RNPEP: variants seen among roughly 807,000 people sequenced by gnomAD.
The protein encoded by RNPEP is arginyl aminopeptidase.
In RNPEP, 57 loss-of-function variants were observed where a neutral mutation model predicts 70.1. That is an observed-to-expected ratio of 0.81 (90% CI 0.66 to 1.01). The LOEUF is 1.01. RNPEP is among the 50% of genes least tolerant of loss of function. The probability of loss-of-function intolerance (pLI) is 0.00; values close to 1 mark genes in which losing one functional copy is unlikely to be tolerated. For missense variants in RNPEP, 787 were observed against 852.4 expected, an observed-to-expected ratio of 0.92 and a Z score of 0.96; for synonymous variants, 335 against 357.4, an observed-to-expected ratio of 0.94 and a Z score of 0.71.
chr1:201,990,164 A>G (rs570456755), intron 3 of RNPEP, among the ~76,000 whole-genome samples: 2 of 152,180 alleles, frequency 1.3e-5, no homozygotes, highest in African/African-American at 4.8e-5. Context: ...GATCTTTATT[A>G]ATATCTTTAA....
At chr1:201,990,820 T>A (rs1030567336) in intron 3 of RNPEP, among the ~76,000 whole-genome samples, 14 of 152,228 alleles carry the variant, frequency 9.2e-5, no homozygotes, top group Admixed American at 3.3e-4. Flanking sequence ...CAAAAGGATG[T>A]CATCTTTGCA....
At chr1:201,990,810 CA>C (rs1558261436) in intron 3 of RNPEP, among the ~76,000 whole-genome samples, 1 of 152,236 alleles carries the variant, frequency 6.6e-6, no homozygotes, top group Admixed American at 6.5e-5. Context: ...GGGAAATAAC[CA>C]AAAGGATGTC....
intron 5 of RNPEP, 116 bp downstream of exon 5, chr1:201,997,670 G>C: frequency 2.9e-6 from 2 of 688,710 alleles, no homozygotes; most frequent in Non-Finnish European, 4.9e-6. Context: ...CGAGGCAGTA[G>C]TGTGTATCCA....
chr1:201,993,490 A>G (rs921130615), intron 3 of RNPEP, among the ~76,000 whole-genome samples: 1 of 152,004 alleles, frequency 6.6e-6, no homozygotes. Context: ...CCAGCTACTC[A>G]GGAGGCTGAG....
intron 3 of RNPEP, 96 bp downstream of exon 3, chr1:201,989,627 T>C: frequency 7.5e-7 from 1 of 1,326,462 alleles, no homozygotes; most frequent in Non-Finnish European, 1.1e-6. Context: ...TTGGGCAGTC[T>C]TGGATCCTCT....
rs1486795787 is a variant in RNPEP at position 201,997,456 on chromosome 1, G to A, written c.992G>A (p.Trp331Ter). 3.7e-6 allele frequency: 6 copies of A among 1,613,998 alleles called. No homozygotes were observed. Among genetic ancestry groups the A allele is most frequent in the Non-Finnish European group, 4.2e-6 (5 of 1,180,020 alleles). ...DVIIHEISHS[W>*]FGNLVTNANW... Reference sequence around the variant, plus strand: ...ATCATCCATGAGATCTCCCACAGTTGGTTTGGGAACCTGGTCACCAACGCC... The same window carrying A: ...ATCATCCATGAGATCTCCCACAGTTAGTTTGGGAACCTGGTCACCAACGCC... The change falls in exon 5 of 11, where the codon TGG becomes TAG. Residue 331 changes from tryptophan to a stop codon, truncating the protein, a stop_gained. Transcript: ENST00000295640. LOFTEE classifies it high-confidence loss of function.
chr1:201,994,635 G>A (rs902308602), intron 3 of RNPEP, among the ~76,000 whole-genome samples: 2 of 151,222 alleles, frequency 1.3e-5, no homozygotes, highest in African/African-American at 4.9e-5. Context: ...TCCCTCATCC[G>A]GGCCTGGACC....
chr1:201,990,799 C>A (rs139428753), intron 3 of RNPEP, among the ~76,000 whole-genome samples: 1 of 151,982 alleles, frequency 6.6e-6, no homozygotes, highest in African/African-American at 2.4e-5. Context: ...ATAGGCAGGG[C>A]GGGAAATAAC....
Position 202,006,107 on chromosome 1 carries a change from A to C in RNPEP, c.*391A>C. The C allele has an allele frequency of 5.7e-6, 1 of 176,926 alleles. No homozygotes were observed. The highest frequency in any genetic ancestry group is 1.2e-5 in the Non-Finnish European group (1 of 81,802). The allele number at this position is 176,926 out of a possible 1,614,324, so 11.0% of individuals were successfully genotyped here. On this transcript the variant is annotated 3_prime_UTR_variant, in exon 11 of 11. Coordinates refer to ENST00000295640, the MANE Select transcript of RNPEP (RefSeq NM_020216.4). ...TTCTGATTGTTCTTTTTTCAGGTTT[A>C]ATCCTTATTTTAATAAAGTTTTCAA...
chr1:202,004,368 C>G lies in RNPEP; in HGVS notation c.1666C>G (p.Leu556Val). The change falls in exon 10 of 11, where the codon CTT becomes GTT. Residue 556 changes from leucine to valine, a missense_variant. By Grantham distance (32) the Leu-to-Val change is conservative. Coordinates refer to ENST00000295640, the MANE Select transcript of RNPEP (RefSeq NM_020216.4). ...SPLPPGNVKK[L>V]GDTYPSISNA... ...CTCTTCTCCAGGGAATGTGAAAAAA[C>G]TTGGAGACACATACCCAAGTATCTC... The G allele has an allele frequency of 6.2e-7, 1 of 1,614,100 alleles. No homozygotes were observed. Among genetic ancestry groups the G allele is most frequent in the Non-Finnish European group, 8.5e-7 (1 of 1,180,004 alleles).
chr1:201,994,701 C>G (rs1683478775), intron 3 of RNPEP, among the ~76,000 whole-genome samples: 1 of 149,682 alleles, frequency 6.7e-6, no homozygotes, highest in Non-Finnish European at 1.5e-5. Context: ...GAGTCTTACT[C>G]TGTCACCCAG....
At chr1:201,999,706 C>T (rs1259027897) in intron 5 of RNPEP, among the ~76,000 whole-genome samples, 196 bp from the exon 6 acceptor site, 1 of 152,162 alleles carries the variant, frequency 6.6e-6, no homozygotes, top group African/African-American at 2.4e-5. Context: ...CAACAGGGAG[C>T]TAGGGACTGA....
intron 3 of RNPEP, among the ~76,000 whole-genome samples, chr1:201,989,906 G>A (rs535595021): frequency 5.3e-5 from 8 of 151,488 alleles, no homozygotes; most frequent in Non-Finnish European, 1.0e-4. Flanking sequence ...GTGCAATGGT[G>A]CGATCTTGGC....
rs767313812 is a variant in RNPEP at position 202,005,647 on chromosome 1, C to T, written c.1884C>T (p.Ser628=). ...CCCTCGCCAAGGAGACTTTTGCATC[C>T]ACCGCCTCCCAGCTCCACAGCAATG... ...AQTLAKETFA[S]TASQLHSNVV... Residue 628 remains serine, a synonymous_variant, in exon 11 of 11, where the codon TCC becomes TCT. Transcript: ENST00000295640. The T allele has an allele frequency of 3.1e-6, 5 of 1,614,054 alleles. No homozygotes were observed. The highest frequency in any genetic ancestry group is 3.3e-5 in the Admixed American group (2 of 60,002).
At chr1:202,002,311 G>A (rs926283696) in intron 8 of RNPEP, among the ~76,000 whole-genome samples, 13 of 151,964 alleles carry the variant, frequency 8.6e-5, no homozygotes, top group African/African-American at 3.1e-4. Flanking sequence ...TTACAGGCAC[G>A]CGCCACCACG....
chr1:201,998,306 C>T (rs1193112383), intron 5 of RNPEP, among the ~76,000 whole-genome samples: 1 of 143,582 alleles, frequency 7.0e-6, no homozygotes, highest in Non-Finnish European at 1.5e-5. Flanking sequence ...AATCTCGGCT[C>T]ATTGCAACCT....
intron 8 of RNPEP, among the ~76,000 whole-genome samples, chr1:202,002,237 C>T (rs1427251848): frequency 4.0e-5 from 6 of 150,836 alleles, no homozygotes; most frequent in African/African-American, 1.5e-4. Flanking sequence ...GATCTCGGCT[C>T]ACCGCAACCT....
chr1:201,983,338 G>A lies in RNPEP; in HGVS notation c.447+225G>A, dbSNP rs1019627080. 44 of 1,470,106 alleles carry A rather than the reference G, an allele frequency of 3.0e-5. No homozygotes were observed. In the Admixed American group the frequency reaches 3.8e-4, roughly 13 times the overall value. The allele number at this position is 1,470,106 out of a possible 1,614,324, so 91.1% of individuals were successfully genotyped here. On this transcript the variant is annotated intron_variant, in intron 1 of 10. Transcript: ENST00000295640. ...CTTCTGGACTTCCTCCAGCCACTGG[G>A]CGGTGCATCCTTCACCCTTTCCGTC...
At chr1:202,001,526 A>G in intron 7 of RNPEP, 38 bp downstream of exon 7, 1 of 1,525,742 alleles carries the variant, frequency 6.6e-7, no homozygotes. Flanking sequence ...AGGAGCGGAT[A>G]AAGCCACTGG....
Sources: allele counts gnomAD v4.1 joint callset (sites outside exome capture counted in the v4.1 genomes callset), GRCh38; gene constraint gnomAD v4.1.1; transcripts MANE v1.5; gene names NCBI Gene and HGNC (gene_info 2026-07-23, HGNC 2026-07-21).